The following CFAP96 variants were observed in gnomAD, a reference collection of about 807,000 sequenced individuals.
CFAP96 encodes cilia and flagella associated protein 96, also known as cilia-and flagella-associated protein 96.
the CFAP96 span, among the ~76,000 whole-genome samples, chr4:185,443,320 GTA>G: frequency 4.1e-3 from 229 of 55,982 alleles, 5 homozygotes; most frequent in African/African-American, 0.013. Context: ...TATTTTTTAT[GTA>G]TATATATATA....
the CFAP96 span, among the ~76,000 whole-genome samples, chr4:185,434,940 C>T: frequency 1.3e-5 from 2 of 152,106 alleles, no homozygotes; most frequent in African/African-American, 4.8e-5. Flanking sequence ...TGGGTTTCGC[C>T]ATGTTGGCCA....
chr4:185,426,817 C>G, the CFAP96 span, among the ~76,000 whole-genome samples: 1 of 147,324 alleles, frequency 6.8e-6, no homozygotes, highest in Non-Finnish European at 1.5e-5. Context: ...GCATCACCTG[C>G]GCTCACGAGT....
the CFAP96 span, chr4:185,415,153 A>G: frequency 6.4e-7 from 1 of 1,573,008 alleles, no homozygotes; most frequent in Non-Finnish European, 8.6e-7. Flanking sequence ...AACTGGTTTT[A>G]CCTTCCTATA....
chr4:185,419,366 G>A, the CFAP96 span, among the ~76,000 whole-genome samples: 1 of 152,106 alleles, frequency 6.6e-6, no homozygotes, highest in Non-Finnish European at 1.5e-5. Flanking sequence ...TCCTGACCTC[G>A]TGATCCACCC....
the CFAP96 span, chr4:185,426,225 C>T: frequency 1.3e-5 from 4 of 306,864 alleles, no homozygotes; most frequent in Admixed American, 8.9e-5. Context: ...ACACATCACA[C>T]AATAAACGCC....
At chr4:185,426,129 C>T in the CFAP96 span, 2 of 554,124 alleles carry the variant, frequency 3.6e-6, no homozygotes, top group Non-Finnish European at 6.5e-6. Flanking sequence ...GCTCACACAT[C>T]CTTCTGTGTG....
the CFAP96 span, among the ~76,000 whole-genome samples, chr4:185,432,431 T>C: frequency 6.6e-6 from 1 of 152,240 alleles, no homozygotes; most frequent in African/African-American, 2.4e-5. Context: ...CACTATGCTC[T>C]ATTTGTTGAT....
At chr4:185,449,712 GA>G in the CFAP96 span, 2 of 1,098,856 alleles carry the variant, frequency 1.8e-6, no homozygotes, top group Admixed American at 3.1e-5. Context: ...CTAATTATTT[GA>G]AAAAATATAA....
chr4:185,419,557 A>G, the CFAP96 span, among the ~76,000 whole-genome samples: 1 of 152,186 alleles, frequency 6.6e-6, no homozygotes, highest in Non-Finnish European at 1.5e-5. Context: ...TTTATCTCTC[A>G]TCCAGCTTCC....
At chr4:185,443,592 A>ATCTG in the CFAP96 span, among the ~76,000 whole-genome samples, 2 of 150,706 alleles carry the variant, frequency 1.3e-5, no homozygotes, top group African/African-American at 4.9e-5. Flanking sequence ...CAGGTGATCC[A>ATCTG]CCTGATTCGG....
the CFAP96 span, among the ~76,000 whole-genome samples, chr4:185,433,895 C>T: frequency 9.9e-5 from 15 of 151,818 alleles, no homozygotes; most frequent in African/African-American, 3.4e-4. Flanking sequence ...GAGACTCTGT[C>T]TCAAAAACAA....
the CFAP96 span, among the ~76,000 whole-genome samples, chr4:185,420,754 T>C: frequency 6.6e-6 from 1 of 152,230 alleles, no homozygotes. Flanking sequence ...AGCATGTCCA[T>C]TCTCTATATT....
chr4:185,414,271 C>T, the CFAP96 span, among the ~76,000 whole-genome samples: 5 of 152,122 alleles, frequency 3.3e-5, no homozygotes, highest in Non-Finnish European at 5.9e-5. Flanking sequence ...AAAATTGTGT[C>T]GAGTGCCTTA....
chr4:185,449,550 T>C, the CFAP96 span: 1 of 1,255,434 alleles, frequency 8.0e-7, no homozygotes, highest in Non-Finnish European at 1.1e-6. Flanking sequence ...TACAGGTATT[T>C]GACTTGCACC....
chr4:185,434,702 T>C, the CFAP96 span, among the ~76,000 whole-genome samples: 3 of 152,160 alleles, frequency 2.0e-5, no homozygotes, highest in Non-Finnish European at 2.9e-5. Context: ...AAGACACTTA[T>C]TGAACACCAA....
At chr4:185,420,275 A>C in the CFAP96 span, among the ~76,000 whole-genome samples, 4 of 152,188 alleles carry the variant, frequency 2.6e-5, no homozygotes, top group Non-Finnish European at 5.9e-5. Context: ...CTTTTTAAAA[A>C]ATATGTTTGA....
At chr4:185,443,338 A>ATTTTTTTTTT in the CFAP96 span, among the ~76,000 whole-genome samples, 1 of 32,118 alleles carries the variant, frequency 3.1e-5, no homozygotes, top group African/African-American at 9.4e-5. Context: ...ATATATATAT[A>ATTTTTTTTTT]TATATTTTTT....
chr4:185,449,634 C>T, the CFAP96 span: 1 of 1,538,792 alleles, frequency 6.5e-7, no homozygotes, highest in Non-Finnish European at 8.8e-7. Flanking sequence ...TCTTCAGTAC[C>T]ATCCTATTAG....
At chr4:185,440,049 A>C in the CFAP96 span, among the ~76,000 whole-genome samples, 1 of 149,402 alleles carries the variant, frequency 6.7e-6, no homozygotes, top group Non-Finnish European at 1.5e-5. Context: ...TAATTATAAA[A>C]ATGTTATATA....
Sources: gnomAD v4.1 joint callset for allele counts (sites outside exome capture counted in the v4.1 genomes callset) on GRCh38, gnomAD v4.1.1 for gene constraint, MANE v1.5 for transcripts, NCBI Gene and HGNC (gene_info 2026-07-23, HGNC 2026-07-21) for gene names.